CACNA1C: variants seen among roughly 807,000 people sequenced by gnomAD.
CACNA1C encodes voltage-dependent L-type calcium channel subunit alpha-1C.
CACNA1C carries 30 observed loss-of-function variants against 229.0 expected under a neutral mutation model. The observed-to-expected ratio is 0.13, with a 90% CI of 0.10 to 0.18. The LOEUF (loss-of-function observed/expected upper bound fraction) is 0.18. Ranked by LOEUF, CACNA1C falls within the 10% of genes least tolerant of loss-of-function variation. The pLI is 1.00. For missense variants in CACNA1C, 1,658 were observed against 2,845.0 expected (o/e 0.58, Z 9.49); for synonymous variants, 1,114 against 1,132.5 (o/e 0.98, Z 0.33).
chr12:2,459,570 C>T (rs2099485361), intron 5 of CACNA1C, among the ~76,000 whole-genome samples: 1 of 152,188 alleles, frequency 6.6e-6, no homozygotes, highest in Non-Finnish European at 1.5e-5. Flanking sequence ...CTCTACTCGG[C>T]CTTAACTGTC....
chr12:2,102,018 G>C (rs1342670792), intron 1 of CACNA1C, among the ~76,000 whole-genome samples: 1 of 152,174 alleles, frequency 6.6e-6, no homozygotes, highest in East Asian at 1.9e-4. Context: ...TTGGTAGTGT[G>C]CACATACCAC....
Position 2,053,224 on chromosome 12 carries a change from C to T in CACNA1C, c.-339C>T. On this transcript the variant is annotated 5_prime_UTR_variant, in exon 1 of 47. Transcript: ENST00000399655. This position sits in a 1 kb window ranked among gnomAD's most constrained non-coding sequence, Gnocchi z 5.8. The stretch of plus-strand genomic sequence containing the variant: ...GCGCGCCCCCCGCCCCTCCTCTCCG[C>T]CTCTTCTCGCCCTGCCTCTCCCGAT... 2 of 1,019,640 alleles carry T rather than the reference C, an allele frequency of 2.0e-6. No individual in the cohort carries two copies. Among genetic ancestry groups the T allele is most frequent in the Non-Finnish European group, 2.3e-6 (2 of 852,460 alleles). The allele number at this position is 1,019,640 out of a possible 1,614,324, so 63.2% of individuals were successfully genotyped here. A position where few individuals can be genotyped will look rare whatever the true frequency, so the allele number is the denominator to read the frequency against.
chr12:2,207,034 T>C (rs934639973), intron 3 of CACNA1C, among the ~76,000 whole-genome samples: 4 of 152,214 alleles, frequency 2.6e-5, no homozygotes, highest in Non-Finnish European at 4.4e-5. Context: ...GAATCTCTTG[T>C]GGGTGTTGTG....
chr12:2,458,724 C>T lies in CACNA1C; in HGVS notation c.757+1018C>T, dbSNP rs558867305. On this transcript the variant is annotated intron_variant, in intron 5 of 46. Coordinates refer to ENST00000399655, the MANE Select transcript of CACNA1C (RefSeq NM_000719.7). ...TGGCATGCACTGAGCACTTGGTTAC[C>T]GGTGTGCTGCTGGGTGGTATCATCT... is the stretch of plus-strand genomic sequence containing the variant. 2.6e-5 allele frequency among the ~76,000 whole-genome samples: 4 copies of T among 152,230 alleles called. No homozygotes were observed. The South Asian group carries it at 6.2e-4, about 24-fold the overall frequency.
At position 2,649,901 on chromosome 12, in the gene CACNA1C, G is replaced by GA. The variant is rs2094760040; in HGVS notation, c.3945+1398dup. The stretch of plus-strand genomic sequence containing the variant: ...GAAACACAACCTCCTTTTAAGGAGT[G>GA]AAAATAGAAGTTCAAGCAGATACAC... On this transcript the variant is annotated intron_variant, in intron 31 of 46. Transcript: ENST00000399655. This position sits in a 1 kb window ranked among gnomAD's most constrained non-coding sequence, Gnocchi z 4.4. Among the ~76,000 whole-genome samples the GA allele has an allele frequency of 6.6e-6, 1 of 151,548 alleles. No individual in the cohort carries two copies. The highest frequency in any genetic ancestry group is 2.4e-5 in the African/African-American group (1 of 40,944).
intron 3 of CACNA1C, among the ~76,000 whole-genome samples, chr12:2,149,720 A>G (rs181532029): frequency 6.6e-6 from 1 of 152,256 alleles, no homozygotes; most frequent in East Asian, 1.9e-4. Flanking sequence ...TGGGACCCAA[A>G]TTTAAGAGAG....
At chr12:2,300,789 A>G (rs995887509) in intron 3 of CACNA1C, among the ~76,000 whole-genome samples, 14 of 152,182 alleles carry the variant, frequency 9.2e-5, no homozygotes, top group Non-Finnish European at 1.6e-4. Context: ...GGGCTAGATG[A>G]TTCAAGGATG....
chr12:2,214,408 G>A (rs904551462), intron 3 of CACNA1C, among the ~76,000 whole-genome samples: 4 of 152,200 alleles, frequency 2.6e-5, no homozygotes, highest in East Asian at 1.9e-4. Context: ...ATATGTGTCC[G>A]GGGCTTATAA....
At chr12:2,450,094 A>G (rs1472911644) in intron 4 of CACNA1C, among the ~76,000 whole-genome samples, 1 of 148,076 alleles carries the variant, frequency 6.8e-6, no homozygotes, top group Non-Finnish European at 1.5e-5. Context: ...ACTGTAGCAT[A>G]AGATAAGGTA....
intron 3 of CACNA1C, among the ~76,000 whole-genome samples, chr12:2,252,087 A>G (rs1435021852): frequency 6.6e-6 from 1 of 152,242 alleles, no homozygotes; most frequent in Non-Finnish European, 1.5e-5. Context: ...TACCATTAAA[A>G]TTTTTATTGT....
chr12:2,297,693 G>A (rs1025321504), intron 3 of CACNA1C, among the ~76,000 whole-genome samples: 1 of 152,180 alleles, frequency 6.6e-6, no homozygotes, highest in Admixed American at 6.5e-5. Flanking sequence ...CCTCTTTTAT[G>A]CTTAGTCTAA....
chr12:2,521,025 C>A (rs2099808727), intron 9 of CACNA1C, among the ~76,000 whole-genome samples: 1 of 152,216 alleles, frequency 6.6e-6, no homozygotes, highest in African/African-American at 2.4e-5. Flanking sequence ...TGGGGAGACG[C>A]CTACTTGACT....
intron 1 of CACNA1C, among the ~76,000 whole-genome samples, chr12:2,036,408 G>A (rs1481806881): frequency 1.3e-5 from 2 of 152,148 alleles, no homozygotes; most frequent in South Asian, 2.1e-4. Context: ...GCTCTGGAGA[G>A]CTCAGAAATG....
chr12:2,424,829 G>A (rs757339447), intron 3 of CACNA1C, among the ~76,000 whole-genome samples: 3 of 152,246 alleles, frequency 2.0e-5, no homozygotes. Flanking sequence ...GGGCATGGGC[G>A]CTGATAAGGG....
At chr12:2,637,777 A>G (rs888630818) in intron 30 of CACNA1C, among the ~76,000 whole-genome samples, 2 of 152,218 alleles carry the variant, frequency 1.3e-5, no homozygotes, top group African/African-American at 4.8e-5. Flanking sequence ...ATCACAAGAC[A>G]TATATTCCCA....
intron 3 of CACNA1C, among the ~76,000 whole-genome samples, chr12:2,264,230 G>A (rs1185946131): frequency 6.6e-6 from 1 of 152,214 alleles, no homozygotes; most frequent in African/African-American, 2.4e-5. Flanking sequence ...GCCTGGGGAT[G>A]CCTCTGCAAG....
At chr12:2,436,944 T>C (rs1308480796) in intron 3 of CACNA1C, among the ~76,000 whole-genome samples, 2 of 152,376 alleles carry the variant, frequency 1.3e-5, no homozygotes, top group East Asian at 3.9e-4. Flanking sequence ...GCTGTCCTCA[T>C]GGTCCCCAGA....
At chr12:2,509,821 G>A (rs1056618473) in intron 8 of CACNA1C, among the ~76,000 whole-genome samples, 1 of 152,202 alleles carries the variant, frequency 6.6e-6, no homozygotes, top group African/African-American at 2.4e-5. Flanking sequence ...CCCTTGTTTG[G>A]CCTCAGCGGG....
Position 2,104,016 on chromosome 12 carries a change from C to T in CACNA1C, c.50-11208C>T, listed in dbSNP as rs1255079672. ...AGTTTGAAGTCAGGTAGCGTGATGCCCCCAGCTTTGCTCTTTCTGCTTAGG... is the reference window on the plus strand; with the variant it reads ...AGTTTGAAGTCAGGTAGCGTGATGCTCCCAGCTTTGCTCTTTCTGCTTAGG... On this transcript the variant is annotated intron_variant, in intron 1 of 46. Transcript: ENST00000399655. Among the ~76,000 whole-genome samples, 4 of 152,130 alleles carry T rather than the reference C, an allele frequency of 2.6e-5. No individual in the cohort carries two copies. The East Asian group carries it at 7.7e-4, about 29-fold the overall frequency.
Sources: allele counts gnomAD v4.1 joint callset (sites outside exome capture counted in the v4.1 genomes callset), GRCh38; gene constraint gnomAD v4.1.1; non-coding constraint Gnocchi (gnomAD v3.1); transcripts MANE v1.5; gene names NCBI Gene and HGNC (gene_info 2026-07-23, HGNC 2026-07-21).